PARP4: variants seen among roughly 807,000 people sequenced by gnomAD.
PARP4 encodes the protein protein mono-ADP-ribosyltransferase PARP4.
In PARP4, 120 loss-of-function variants were observed where a neutral mutation model predicts 187.7. The ratio of observed to expected loss-of-function variants is 0.64; its 90% CI spans 0.55 to 0.74. The LOEUF (loss-of-function observed/expected upper bound fraction) is 0.74. PARP4 is among the 30% of genes least tolerant of loss of function. The pLI, the probability that PARP4 is intolerant of heterozygous loss-of-function variation, is 0.00. For synonymous variants in PARP4, 654 were observed against 740.9 expected, an observed-to-expected ratio of 0.88 and a Z score of 1.90; for missense variants, 1,836 against 2,070.5, an observed-to-expected ratio of 0.89 and a Z score of 2.20.
At chr13:24,506,460 C>G (rs1318043672) in intron 1 of PARP4, among the ~76,000 whole-genome samples, 1 of 152,162 alleles carries the variant, frequency 6.6e-6, no homozygotes, top group Non-Finnish European at 1.5e-5. Flanking sequence ...TGTGGCCCCA[C>G]CCACATCCTG....
chr13:24,435,733 A>G (rs1353331382), intron 30 of PARP4, among the ~76,000 whole-genome samples: 1 of 152,146 alleles, frequency 6.6e-6, no homozygotes, highest in Non-Finnish European at 1.5e-5. Context: ...CTTAGGTGAC[A>G]CAGCGAGGCT....
intron 29 of PARP4, 145 bp from the exon 30 acceptor site, chr13:24,442,113 G>A (rs372444295): frequency 0.06 from 49,692 of 831,248 alleles, 263 homozygotes; most frequent in African/African-American, 0.11. Flanking sequence ...AGCGTGAGGG[G>A]AAGTGGGGAG....
chr13:24,427,965 T>C (rs964996156), intron 32 of PARP4, among the ~76,000 whole-genome samples: 1 of 152,110 alleles, frequency 6.6e-6, no homozygotes, highest in Non-Finnish European at 1.5e-5. Context: ...ATGAAATACC[T>C]AATGTGTATC....
chr13:24,422,739 G>C (rs1392043068), intron 33 of PARP4, among the ~76,000 whole-genome samples: 2 of 152,084 alleles, frequency 1.3e-5, no homozygotes, highest in South Asian at 4.1e-4. Flanking sequence ...CTCCTGTGTA[G>C]CTGGGATTAC....
chr13:24,463,631 T>C (rs537851746), intron 17 of PARP4, among the ~76,000 whole-genome samples: 3 of 152,292 alleles, frequency 2.0e-5, no homozygotes, highest in South Asian at 4.1e-4. Context: ...AAACTAGTTA[T>C]TGATGGAACA....
rs566708737 is a variant in PARP4 at position 24,492,553 on chromosome 13, T to A, written c.921A>T (p.Ala307=). The change falls in exon 9 of 34, where the codon GCA becomes GCT. Residue 307 remains alanine (A), a synonymous_variant. Coordinates refer to ENST00000381989, the MANE Select transcript of PARP4 (RefSeq NM_006437.4). ...GCTCTGCTGTTTCTCCATTTTTCAG[T>A]GCTGCCTTTACTAGAAGGAGAATCC... ...AEGILLLVKA[A]LKNGETAEQL... is the part of the protein sequence containing the mutation. The A allele has an allele frequency of 1.2e-4, 193 of 1,614,148 alleles. 3 individuals are homozygous for A. In the South Asian group the frequency reaches 2.0e-3, roughly 17 times the overall value.
rs1387058413 is a variant in PARP4, at chr13:24,494,616, A to G, written c.698T>C (p.Phe233Ser). The change falls in exon 7 of 34, where the codon TTC (phenylalanine) becomes TCC (serine). Residue 233 changes from phenylalanine to serine, a missense_variant. Coordinates refer to ENST00000381989, the MANE Select transcript of PARP4 (RefSeq NM_006437.4). ...KKQGFLLREH[F>S]TPEATQLASE... ...TGCTAATTGGGTTGCTTCAGGTGTG[A>G]AATGTTCTCTTAGTAGAAATCCTTG... 4.3e-6 allele frequency: 7 copies of G among 1,611,866 alleles called. No homozygotes were observed. The highest frequency in any genetic ancestry group is 1.3e-5 in the African/African-American group (1 of 74,888).
chr13:24,455,274 C>T, intron 21 of PARP4, 62 bp from the exon 22 acceptor site: 1 of 1,281,726 alleles, frequency 7.8e-7, no homozygotes, highest in South Asian at 1.6e-5. Flanking sequence ...AAAAGGTCTA[C>T]TTAGAAAACT....
chr13:24,442,753 T>G, intron 28 of PARP4, 68 bp from the exon 29 acceptor site: 2 of 853,184 alleles, frequency 2.3e-6, no homozygotes, highest in Non-Finnish European at 3.9e-6. Flanking sequence ...TAAATCATTT[T>G]AAGATTCGTA....
intron 33 of PARP4, among the ~76,000 whole-genome samples, chr13:24,424,856 A>AT (rs1157128298): frequency 8.2e-5 from 10 of 122,032 alleles, no homozygotes; most frequent in South Asian, 7.7e-4. Flanking sequence ...TTTTTTTTGT[A>AT]TTTTTTTTAG....
At chr13:24,467,916 T>C (rs888237826) in intron 17 of PARP4, among the ~76,000 whole-genome samples, 1 of 152,180 alleles carries the variant, frequency 6.6e-6, no homozygotes, top group African/African-American at 2.4e-5. Flanking sequence ...AGAGCCAGCA[T>C]TCTTAACTGT....
Position 24,474,293 on chromosome 13 carries a change from C to CA in PARP4, c.1914+1178dup, listed in dbSNP as rs564591497. ...CTGCAAACCTTCTTCTCCACATCAC[C>CA]AGGTCCCTTAACTGAATTGTCAATC... On this transcript the variant is annotated intron_variant, in intron 15 of 33. Coordinates refer to ENST00000381989, the MANE Select transcript of PARP4 (RefSeq NM_006437.4). Among the ~76,000 whole-genome samples, 400 of 150,818 alleles carry CA rather than the reference C, an allele frequency of 2.7e-3. 5 individuals carry two copies. Among genetic ancestry groups the CA allele is most frequent in the African/African-American group, 9.3e-3 (383 of 41,136 alleles).
chr13:24,510,661 G>A (rs1869967552), intron 1 of PARP4, among the ~76,000 whole-genome samples: 1 of 152,044 alleles, frequency 6.6e-6, no homozygotes, highest in African/African-American at 2.4e-5. Context: ...AGAGTTGATG[G>A]CCAGAAATGG....
chr13:24,496,594 A>C (rs1868969033), intron 6 of PARP4, among the ~76,000 whole-genome samples: 1 of 152,250 alleles, frequency 6.6e-6, no homozygotes, highest in East Asian at 1.9e-4. Flanking sequence ...AGTGGATCTC[A>C]CATCCACCTG....
intron 14 of PARP4, among the ~76,000 whole-genome samples, chr13:24,476,755 CTG>C (rs1873006529): frequency 6.6e-6 from 1 of 152,174 alleles, no homozygotes; most frequent in African/African-American, 2.4e-5. Context: ...CTAATTAATA[CTG>C]TAATTGTTTG....
intron 17 of PARP4, among the ~76,000 whole-genome samples, chr13:24,468,749 T>C (rs1323423835): frequency 6.6e-6 from 1 of 152,126 alleles, no homozygotes; most frequent in Admixed American, 6.5e-5. Context: ...ATACCTCAAA[T>C]GTTATCTTTT....
intron 6 of PARP4, among the ~76,000 whole-genome samples, chr13:24,496,099 C>T (rs955334852): frequency 3.3e-5 from 5 of 151,926 alleles, no homozygotes; most frequent in African/African-American, 7.3e-5. Context: ...TCTACAGACT[C>T]GGGCTTGCTA....
rs1870319371 is a variant in PARP4 at position 24,431,287 on chromosome 13, A to C, written c.4846+90T>G. On this transcript the variant is annotated intron_variant, in intron 32 of 33. Transcript: ENST00000381989. The stretch of plus-strand genomic sequence containing the variant: ...ACTTTCATAATTATTACATTAATAC[A>C]CTAGCTTACAAAACAGTTTACAACA... 3 of 716,490 alleles carry C rather than the reference A, an allele frequency of 4.2e-6. No homozygotes were observed. The South Asian group carries it at 5.5e-5, about 13-fold the overall frequency. The allele number at this position is 716,490 out of a possible 1,614,324, so 44.4% of individuals were successfully genotyped here.
chr13:24,503,854 CTG>C, intron 1 of PARP4, 77 bp from the exon 2 acceptor site: 2 of 1,312,054 alleles, frequency 1.5e-6, no homozygotes, highest in Non-Finnish European at 1.1e-6. Context: ...TACAAGCAAA[CTG>C]TGGGAAAATT....
Sources: allele counts gnomAD v4.1 joint callset (sites outside exome capture counted in the v4.1 genomes callset), GRCh38; gene constraint gnomAD v4.1.1; transcripts MANE v1.5; gene names NCBI Gene and HGNC (gene_info 2026-07-23, HGNC 2026-07-21).